The following PRKN variants were observed in gnomAD, a reference collection of about 807,000 sequenced individuals.
The protein encoded by PRKN is parkin RBR E3 ubiquitin protein ligase.
Under a neutral mutation model 59.5 loss-of-function variants are expected in PRKN, and 56 were observed. The ratio of observed to expected loss-of-function variants is 0.94; its 90% CI spans 0.76 to 1.18. The LOEUF (loss-of-function observed/expected upper bound fraction) is 1.18. PRKN is among the 50% of genes most tolerant of loss of function. The probability of loss-of-function intolerance (pLI) is 0.00; values close to 1 mark genes in which losing one functional copy is unlikely to be tolerated. For synonymous variants in PRKN, 250 were observed against 222.1 expected, an observed-to-expected ratio of 1.13 and a Z score of -1.12; for missense variants, 657 against 596.4, an observed-to-expected ratio of 1.10 and a Z score of -1.06.
intron 5 of PRKN, among the ~76,000 whole-genome samples, chr6:162,023,487 C>T (rs1398388139): frequency 1.3e-5 from 2 of 152,080 alleles, no homozygotes; most frequent in Non-Finnish European, 2.9e-5. Flanking sequence ...CCTCCGACCG[C>T]CCCAGCCAAA....
At chr6:162,260,616 T>A (rs1366470051) in intron 3 of PRKN, among the ~76,000 whole-genome samples, 1 of 152,108 alleles carries the variant, frequency 6.6e-6, no homozygotes, top group Non-Finnish European at 1.5e-5. Flanking sequence ...CCAAGGGCAA[T>A]TTTATGATAA....
In PRKN at chr6:161,892,504, G is replaced by C. The variant is rs539288144; in HGVS notation, c.734+80798C>G. Reference sequence around the variant, plus strand: ...ACTGAAAATTGGGTATCACAGGTAAGAACTAGGGGCATTTTGCTGGGTCCC... The same window carrying C: ...ACTGAAAATTGGGTATCACAGGTAACAACTAGGGGCATTTTGCTGGGTCCC... On this transcript the variant is annotated intron_variant, in intron 6 of 11. Transcript: ENST00000366898. 6.6e-5 allele frequency among the ~76,000 whole-genome samples: 10 copies of C among 152,062 alleles called. No individual in the cohort carries two copies. In the South Asian group the frequency reaches 2.1e-3, roughly 32 times the overall value.
chr6:161,953,505 T>C (rs980921701), intron 6 of PRKN, among the ~76,000 whole-genome samples: 3 of 152,160 alleles, frequency 2.0e-5, no homozygotes, highest in Non-Finnish European at 4.4e-5. Flanking sequence ...GAAGGATAAA[T>C]ACAAACAGCC....
intron 1 of PRKN, among the ~76,000 whole-genome samples, chr6:162,458,226 A>C (rs1212941775): frequency 7.7e-6 from 1 of 129,656 alleles, no homozygotes; most frequent in East Asian, 2.1e-4. Context: ...ACTGCACTCC[A>C]GCCTGGGTGA....
intron 3 of PRKN, among the ~76,000 whole-genome samples, chr6:162,245,958 A>G (rs1779175971): frequency 6.6e-6 from 1 of 152,184 alleles, no homozygotes; most frequent in African/African-American, 2.4e-5. Flanking sequence ...GGAGGAAAAC[A>G]GCTCTTTGAG....
At chr6:162,450,503 C>T (rs1328646718) in intron 1 of PRKN, among the ~76,000 whole-genome samples, 1 of 152,082 alleles carries the variant, frequency 6.6e-6, no homozygotes, top group Non-Finnish European at 1.5e-5. Flanking sequence ...ACAGGCGCTA[C>T]CGCAGCCAGG....
intron 1 of PRKN, among the ~76,000 whole-genome samples, chr6:162,448,516 G>T (rs1328832988): frequency 2.0e-5 from 3 of 151,954 alleles, no homozygotes; most frequent in African/African-American, 4.8e-5. Context: ...GACCTTCCAG[G>T]GACATTCAAT....
At chr6:162,628,581 C>T (rs541748010) in intron 1 of PRKN, among the ~76,000 whole-genome samples, 12 of 152,060 alleles carry the variant, frequency 7.9e-5, no homozygotes, top group Non-Finnish European at 1.6e-4. Context: ...ATCATATGTT[C>T]CAACAGCATT....
At position 161,526,270 on chromosome 6, in the gene PRKN, C is replaced by T. The variant is rs547375197; in HGVS notation, c.1083+22584G>A. On this transcript the variant is annotated intron_variant, in intron 9 of 11. Transcript: ENST00000366898. This position sits in a 1 kb window ranked among gnomAD's most constrained non-coding sequence, Gnocchi z 4.1. ...ACAGCTGGCTCCAGCCTCCAGTAGA[C>T]ACTCATGTGTTCAGACACATGCATG... 9.2e-5 allele frequency among the ~76,000 whole-genome samples: 14 copies of T among 152,352 alleles called. No homozygotes were observed. Among genetic ancestry groups the T allele is most frequent in the Middle Eastern group, 3.4e-3 (1 of 294 alleles).
intron 2 of PRKN, among the ~76,000 whole-genome samples, chr6:162,426,860 A>T (rs1456445230): frequency 6.6e-6 from 1 of 152,280 alleles, no homozygotes; most frequent in Non-Finnish European, 1.5e-5. Context: ...ACAAAGATGA[A>T]GTAAGTTTTC....
chr6:161,591,695 G>C (rs1272187968), intron 7 of PRKN, among the ~76,000 whole-genome samples: 2 of 152,188 alleles, frequency 1.3e-5, no homozygotes, highest in Non-Finnish European at 2.9e-5. Flanking sequence ...TAATTGAATA[G>C]TGTTATGAAT....
chr6:161,688,917 G>A (rs1022517373), intron 7 of PRKN, among the ~76,000 whole-genome samples: 24 of 152,090 alleles, frequency 1.6e-4, no homozygotes, highest in African/African-American at 1.4e-4. Context: ...CTCTGCTTCC[G>A]AGAAATGATT....
chr6:162,192,869 C>G (rs1009665298), intron 4 of PRKN, among the ~76,000 whole-genome samples: 1 of 152,126 alleles, frequency 6.6e-6, no homozygotes, highest in Non-Finnish European at 1.5e-5. Context: ...ACACTCTACA[C>G]AACAAAATGC....
chr6:161,370,591 C>CAAAAAAAAAAAAA (rs560655971), intron 10 of PRKN, among the ~76,000 whole-genome samples: 1,504 of 57,736 alleles, frequency 0.026, 95 homozygotes, highest in Non-Finnish European at 0.036. Context: ...GACTCTGTGT[C>CAAAAAAAAAAAAA]AAAAAAAAAA....
rs58769358 is a variant in PRKN at position 162,235,958 on chromosome 6, G to GAAGAAAGAAAGAAAGA, written c.412+26551_412+26566dup. ...GGAAGGAAGGAAGGAAGGAAGAAAG[G>GAAGAAAGAAAGAAAGA]AAGAAAGAAAGAAAGAAAGAAAGAA... is the stretch of plus-strand genomic sequence containing the variant. On this transcript the variant is annotated intron_variant, in intron 3 of 11. Coordinates refer to ENST00000366898, the MANE Select transcript of PRKN (RefSeq NM_004562.3). 1.2e-3 allele frequency among the ~76,000 whole-genome samples: 114 copies of GAAGAAAGAAAGAAAGA among 92,658 alleles called. 1 individual carries two copies. Among genetic ancestry groups the GAAGAAAGAAAGAAAGA allele is most frequent in the Admixed American group, 2.0e-3 (17 of 8,686 alleles). 60.8% of individuals were successfully genotyped at this position (92,658 alleles called of 152,430 possible). A position where few individuals can be genotyped will look rare whatever the true frequency, so the allele number is the denominator to read the frequency against.
intron 4 of PRKN, among the ~76,000 whole-genome samples, chr6:162,116,553 G>C (rs1780680898): frequency 2.6e-5 from 4 of 152,136 alleles, no homozygotes; most frequent in Admixed American, 1.3e-4. Context: ...GTGTCTTAAG[G>C]GACGAGAGCA....
chr6:161,667,593 T>C (rs1784769211), intron 7 of PRKN, among the ~76,000 whole-genome samples: 1 of 152,210 alleles, frequency 6.6e-6, no homozygotes, highest in Non-Finnish European at 1.5e-5. Flanking sequence ...CTCCTAGAGG[T>C]CAAGAGCTGG....
chr6:162,046,937 G>A (rs753222975), intron 5 of PRKN, among the ~76,000 whole-genome samples: 5 of 150,752 alleles, frequency 3.3e-5, no homozygotes, highest in African/African-American at 4.9e-5. Context: ...TTGTTATCAA[G>A]TATTCAAAAC....
intron 4 of PRKN, among the ~76,000 whole-genome samples, chr6:162,146,085 A>G (rs1782012815): frequency 6.6e-6 from 1 of 152,056 alleles, no homozygotes; most frequent in African/African-American, 2.4e-5. Flanking sequence ...TTTTTGTTTC[A>G]ATTTAGTTCT....
Sources: allele counts gnomAD v4.1 joint callset (sites outside exome capture counted in the v4.1 genomes callset), GRCh38; gene constraint gnomAD v4.1.1; non-coding constraint Gnocchi (gnomAD v3.1); transcripts MANE v1.5; gene names NCBI Gene and HGNC (gene_info 2026-07-23, HGNC 2026-07-21).